The following SPRY3 variants were observed in gnomAD, a reference collection of about 807,000 sequenced individuals.
The protein encoded by SPRY3 is sprouty RTK signaling antagonist 3, also known as protein sprouty homolog 3.
A neutral mutation model predicts 20.2 loss-of-function variants in SPRY3; 15 were observed. That is an observed-to-expected ratio of 0.74 (90% CI 0.50 to 1.14). The LOEUF (loss-of-function observed/expected upper bound fraction) is 1.14, where lower values mean the gene tolerates loss of function less well. Ranked by LOEUF, SPRY3 falls within the 50% of genes most tolerant of loss-of-function variation. The pLI is 0.00. For missense variants in SPRY3, 364 were observed against 363.9 expected, an observed-to-expected ratio of 1.00 and a Z score of 0.00; for synonymous variants, 143 against 136.5, an observed-to-expected ratio of 1.05 and a Z score of -0.33.
At chrX:155,627,223 C>T (rs1306326956) in intron 1 of SPRY3, among the ~76,000 whole-genome samples, 1 of 111,352 alleles carries the variant, frequency 9.0e-6, no homozygotes, top group Admixed American at 9.6e-5. Context: ...AACATCTCTC[C>T]ACCTGCCCCC....
chrX:155,776,988 A>G (rs1372003611), downstream of SPRY3: 3 of 167,196 alleles, frequency 1.8e-5, no homozygotes, highest in Non-Finnish European at 2.9e-5. Flanking sequence ...GCCATATATA[A>G]GGTTAGGCTT....
At chrX:155,672,514 G>C (rs1398631418) in intron 2 of SPRY3, among the ~76,000 whole-genome samples, 15 of 111,514 alleles carry the variant, frequency 1.3e-4, no homozygotes, top group Non-Finnish European at 2.5e-4. Flanking sequence ...ACCACAATGA[G>C]ATACCATCTC....
At chrX:155,680,145 GGTGT>G (rs774435204) in intron 2 of SPRY3, among the ~76,000 whole-genome samples, 2,312 of 70,297 alleles carry the variant, frequency 0.033, 18 homozygotes, top group East Asian at 0.046. Flanking sequence ...AAGCAATGCT[GGTGT>G]GTGTGTGTGT....
intron 2 of SPRY3, among the ~76,000 whole-genome samples, chrX:155,726,391 G>C (rs768917811): frequency 6.6e-6 from 1 of 151,936 alleles, no homozygotes; most frequent in Non-Finnish European, 1.5e-5. Flanking sequence ...CTTCTTTCTC[G>C]TTTATCTGTC....
chrX:155,638,181 G>A (rs933157913), intron 1 of SPRY3, among the ~76,000 whole-genome samples: 1 of 101,929 alleles, frequency 9.8e-6, no homozygotes, highest in South Asian at 4.6e-4. Context: ...CCAGCTGGGC[G>A]TAGTAGCTCA....
intron 2 of SPRY3, among the ~76,000 whole-genome samples, chrX:155,665,473 A>G (rs1396037901): frequency 9.0e-6 from 1 of 111,451 alleles, no homozygotes; most frequent in Non-Finnish European, 1.9e-5. Context: ...AGAAATGAAG[A>G]AAAAAGCTAG....
chrX:155,679,010 A>G (rs1325235083), intron 2 of SPRY3, among the ~76,000 whole-genome samples: 1 of 110,709 alleles, frequency 9.0e-6, no homozygotes, highest in Non-Finnish European at 1.9e-5. Flanking sequence ...GATCACTTGG[A>G]CACAGAGCGG....
At chrX:155,731,231 G>A (rs2091130204) in intron 2 of SPRY3, among the ~76,000 whole-genome samples, 1 of 151,962 alleles carries the variant, frequency 6.6e-6, no homozygotes, top group Admixed American at 6.6e-5. Flanking sequence ...GAACAAAACT[G>A]GAGGATCACA....
At chrX:155,747,837 C>CT (rs968850313) in intron 2 of SPRY3, among the ~76,000 whole-genome samples, 24 of 147,400 alleles carry the variant, frequency 1.6e-4, no homozygotes, top group African/African-American at 2.5e-4. Context: ...GGTGAAGGAA[C>CT]TTTTTTTTTT....
At chrX:155,674,141 G>A (rs138894319) in intron 2 of SPRY3, among the ~76,000 whole-genome samples, 5,844 of 110,891 alleles carry the variant, frequency 0.053, 180 homozygotes, top group Non-Finnish European at 0.084. Context: ...ATAAAAAACG[G>A]CATTTGTATA....
At chrX:155,769,129 TAAAC>T (rs2091365674) in intron 3 of SPRY3, among the ~76,000 whole-genome samples, 1 of 152,194 alleles carries the variant, frequency 6.6e-6, no homozygotes, top group African/African-American at 2.4e-5. Flanking sequence ...TCCTTGCCTC[TAAAC>T]AAACATATAC....
chrX:155,730,427 G>A (rs1378443462), intron 2 of SPRY3, among the ~76,000 whole-genome samples: 1 of 152,018 alleles, frequency 6.6e-6, no homozygotes, highest in Non-Finnish European at 1.5e-5. Flanking sequence ...CAGAATGGAG[G>A]ACAAAAACCA....
intron 3 of SPRY3, among the ~76,000 whole-genome samples, chrX:155,769,262 AGAGTTGAG>A: frequency 6.6e-6 from 1 of 152,350 alleles, no homozygotes; most frequent in African/African-American, 2.4e-5. Flanking sequence ...ATATTTATTA[AGAGTTGAG>A]GAGTTGAGTA....
chrX:155,615,874 T>C (rs1259327868), intron 1 of SPRY3, among the ~76,000 whole-genome samples: 1 of 111,125 alleles, frequency 9.0e-6, no homozygotes, highest in African/African-American at 3.3e-5. Flanking sequence ...TAATTAGGAC[T>C]CATTAGTTAA....
intron 2 of SPRY3, among the ~76,000 whole-genome samples, chrX:155,704,951 T>C (rs2090939770): frequency 6.6e-6 from 1 of 151,316 alleles, no homozygotes; most frequent in Admixed American, 6.6e-5. Flanking sequence ...AAAAACTGTA[T>C]CAGACAAGCA....
At chrX:155,681,197 C>T (rs890341231) in intron 2 of SPRY3, among the ~76,000 whole-genome samples, 6 of 111,310 alleles carry the variant, frequency 5.4e-5, no homozygotes, top group South Asian at 3.8e-4. Flanking sequence ...GTCATGGGGG[C>T]GGTTTCCCCC....
At chrX:155,709,426 G>A (rs758275757) in intron 2 of SPRY3, among the ~76,000 whole-genome samples, 1 of 151,880 alleles carries the variant, frequency 6.6e-6, no homozygotes, top group Admixed American at 6.6e-5. Flanking sequence ...ATGATGCTGA[G>A]CCCTTTTTCA....
chrX:155,767,231 G>A (rs2091337597), intron 2 of SPRY3, among the ~76,000 whole-genome samples: 1 of 151,216 alleles, frequency 6.6e-6, no homozygotes, highest in Non-Finnish European at 1.5e-5. Context: ...CGCGGGGGGA[G>A]GGGGGAGAGA....
chrX:155,637,278 A>T (rs2067926894), intron 1 of SPRY3, among the ~76,000 whole-genome samples: 1 of 111,418 alleles, frequency 9.0e-6, no homozygotes, highest in Non-Finnish European at 1.9e-5. Context: ...ATATATATGA[A>T]TACTTAGTAT....
Sources: allele counts gnomAD v4.1 joint callset (sites outside exome capture counted in the v4.1 genomes callset), GRCh38; gene constraint gnomAD v4.1.1; transcripts MANE v1.5; gene names NCBI Gene and HGNC (gene_info 2026-07-23, HGNC 2026-07-21).